The following ARFGEF1 variants were observed in gnomAD, a reference collection of about 807,000 sequenced individuals.
The protein encoded by ARFGEF1 is ARF guanine nucleotide exchange factor 1.
A neutral mutation model predicts 231.0 loss-of-function variants in ARFGEF1; 42 were observed. The observed-to-expected ratio is 0.18, with a 90% CI of 0.14 to 0.24. ARFGEF1 has a LOEUF of 0.24. Ranked by LOEUF, ARFGEF1 falls within the 10% of genes least tolerant of loss-of-function variation. The pLI is 1.00. For missense variants in ARFGEF1, 1,345 were observed against 2,192.0 expected (o/e 0.61, Z 7.72); for synonymous variants, 710 against 732.3 (o/e 0.97, Z 0.49).
rs748183329 is a variant in ARFGEF1 at position 67,203,077 on chromosome 8, G to C, written c.5128+6C>G. 4 of 1,610,804 alleles carry C rather than the reference G, an allele frequency of 2.5e-6. No individual in the cohort carries two copies. In the Admixed American group the frequency reaches 6.7e-5, roughly 27 times the overall value. ...AAACATTAAATGTGAGGCGTGTGCA[G>C]CTTACCTGCTTTCCACAGGGCAGTC... On this transcript the variant is annotated splice_donor_region_variant and intron_variant, in intron 36 of 38. Transcript: ENST00000262215.
At chr8:67,202,415 A>G (rs1838365313) in intron 36 of ARFGEF1, among the ~76,000 whole-genome samples, 1 of 151,934 alleles carries the variant, frequency 6.6e-6, no homozygotes, top group African/African-American at 2.4e-5. Flanking sequence ...ATGCGACACC[A>G]TGCCCCGCTA....
At chr8:67,205,120 A>G (rs995353358) in intron 34 of ARFGEF1, among the ~76,000 whole-genome samples, 2 of 152,192 alleles carry the variant, frequency 1.3e-5, no homozygotes. Context: ...AAATTCATAA[A>G]CTTTCTTAAA....
intron 7 of ARFGEF1, among the ~76,000 whole-genome samples, chr8:67,281,337 T>TA (rs1554645082): frequency 6.6e-6 from 1 of 151,848 alleles, no homozygotes; most frequent in African/African-American, 2.4e-5. Flanking sequence ...TGAAAAGTCA[T>TA]AAAAAAATCA....
At position 67,201,363 on chromosome 8, in the gene ARFGEF1, AG is replaced by A. The variant is rs1387377073; in HGVS notation, c.5267+103del. Reference sequence around the variant, plus strand: ...ACTGCTCTGTGGAATAGGGGCATCCAGGCCCCAAAGCCTCAGCTGTCAGCAT... The same window carrying A: ...ACTGCTCTGTGGAATAGGGGCATCCAGCCCCAAAGCCTCAGCTGTCAGCAT... On this transcript the variant is annotated intron_variant, in intron 37 of 38. Coordinates refer to ENST00000262215, the MANE Select transcript of ARFGEF1 (RefSeq NM_006421.5). 4.3e-6 allele frequency: 6 copies of A among 1,398,928 alleles called. No individual in the cohort carries two copies. The South Asian group carries it at 7.4e-5, about 17-fold the overall frequency. The allele number at this position is 1,398,928 out of a possible 1,614,324, so 86.7% of individuals were successfully genotyped here. A position where few individuals can be genotyped will look rare whatever the true frequency, so the allele number is the denominator to read the frequency against.
At chr8:67,206,574 G>A (rs1209842448) in intron 34 of ARFGEF1, among the ~76,000 whole-genome samples, 4 of 152,216 alleles carry the variant, frequency 2.6e-5, no homozygotes, top group East Asian at 1.9e-4. Flanking sequence ...CTGATAGTCC[G>A]CCGGCCCATG....
chr8:67,315,829 T>A (rs1196728154), intron 1 of ARFGEF1, among the ~76,000 whole-genome samples: 1 of 152,038 alleles, frequency 6.6e-6, no homozygotes, highest in African/African-American at 2.4e-5. Flanking sequence ...GCTAAAATTG[T>A]ATGGGATACA....
At chr8:67,217,568 A>G (rs538687025) in intron 32 of ARFGEF1, among the ~76,000 whole-genome samples, 1 of 152,252 alleles carries the variant, frequency 6.6e-6, no homozygotes, top group East Asian at 1.9e-4. Flanking sequence ...ACCAGACTAA[A>G]GGTTTTGGTT....
intron 23 of ARFGEF1, among the ~76,000 whole-genome samples, chr8:67,232,334 G>A (rs1563852826): frequency 6.6e-6 from 1 of 151,996 alleles, no homozygotes; most frequent in Non-Finnish European, 1.5e-5. Flanking sequence ...GAAATATTCT[G>A]TAGTAAATAA....
intron 34 of ARFGEF1, among the ~76,000 whole-genome samples, chr8:67,210,511 G>A (rs907006636): frequency 6.6e-6 from 1 of 152,002 alleles, no homozygotes; most frequent in Non-Finnish European, 1.5e-5. Context: ...AAACAAGTGG[G>A]GTGCTCCTGC....
At chr8:67,204,993 T>A in intron 34 of ARFGEF1, 174 bp from the exon 35 acceptor site, 1 of 778,758 alleles carries the variant, frequency 1.3e-6, no homozygotes, top group Non-Finnish European at 1.9e-6. Context: ...AACTGATATT[T>A]AGAAAAGCCT....
chr8:67,200,315 T>C (rs1053089267), intron 38 of ARFGEF1, 81 bp downstream of exon 38: 1 of 991,832 alleles, frequency 1.0e-6, no homozygotes, highest in Non-Finnish European at 1.6e-6. Context: ...CTGAGAGCTC[T>C]TGCACGGCGG....
chr8:67,250,303 G>A lies in ARFGEF1; in HGVS notation c.2850+996C>T, dbSNP rs554231114. ...TGAAGATGCCTGTTAGGAGAATGCC[G>A]CAGTAATCTGAGGGAGAAATGAGGG... On this transcript the variant is annotated intron_variant, in intron 19 of 38. Coordinates refer to ENST00000262215, the MANE Select transcript of ARFGEF1 (RefSeq NM_006421.5). Among the ~76,000 whole-genome samples the A allele has an allele frequency of 2.6e-5, 4 of 152,304 alleles. No homozygotes were observed. The South Asian group carries it at 6.2e-4, about 24-fold the overall frequency.
In ARFGEF1 at chr8:67,198,718, G is replaced by C. The variant is rs1458044191; in HGVS notation, c.*216C>G. 1.5e-6 allele frequency: 2 copies of C among 1,313,448 alleles called. No individual in the cohort carries two copies. The highest frequency in any genetic ancestry group is 1.9e-6 in the Non-Finnish European group (2 of 1,032,442). 81.4% of individuals were successfully genotyped at this position (1,313,448 alleles called of 1,614,324 possible). ...GCATGAGCTGACACTGTTTAAACAG[G>C]CTTTCTGCTCAACATGAGGCCAATA... On this transcript the variant is annotated 3_prime_UTR_variant, in exon 39 of 39. Coordinates refer to ENST00000262215, the MANE Select transcript of ARFGEF1 (RefSeq NM_006421.5).
chr8:67,186,422 A>T (rs1197212079), intron 5 of ARFGEF1, among the ~76,000 whole-genome samples: 1 of 124,378 alleles, frequency 8.0e-6, no homozygotes, highest in Non-Finnish European at 1.6e-5. Flanking sequence ...TTAAATTAAA[A>T]AAAAAAAAAA....
At chr8:67,238,309 A>G in intron 22 of ARFGEF1, 34 bp downstream of exon 22, 1 of 1,561,866 alleles carries the variant, frequency 6.4e-7, no homozygotes, top group Non-Finnish European at 8.6e-7. Flanking sequence ...GAGGAAGTTA[A>G]AAACAATTTT....
In ARFGEF1 at chr8:67,197,851, A is replaced by C. The variant is rs1838138933; in HGVS notation, c.*1083T>G. ...CCACTGTTAATACGGAATGCTTGACAATCTTGTCTTTTAACCATCAGAGCA... is the reference window on the plus strand; with the variant it reads ...CCACTGTTAATACGGAATGCTTGACCATCTTGTCTTTTAACCATCAGAGCA... On this transcript the variant is annotated 3_prime_UTR_variant, in exon 39 of 39. Coordinates refer to ENST00000262215, the MANE Select transcript of ARFGEF1 (RefSeq NM_006421.5). 1 of 985,770 alleles carries C rather than the reference A, an allele frequency of 1.0e-6. No homozygotes were observed. Among genetic ancestry groups the C allele is most frequent in the African/African-American group, 1.7e-5 (1 of 57,254 alleles). The allele number at this position is 985,770 out of a possible 1,614,324, so 61.1% of individuals were successfully genotyped here.
intron 5 of ARFGEF1, among the ~76,000 whole-genome samples, chr8:67,180,853 C>A (rs1832828742): frequency 6.6e-6 from 1 of 151,562 alleles, no homozygotes; most frequent in African/African-American, 2.4e-5. Context: ...ACCATGGGAT[C>A]TTCTTTTTTT....
At chr8:67,211,295 G>A (rs1379570052) in intron 34 of ARFGEF1, among the ~76,000 whole-genome samples, 188 bp downstream of exon 34, 1 of 143,906 alleles carries the variant, frequency 6.9e-6, no homozygotes, top group Non-Finnish European at 1.5e-5. Flanking sequence ...AGTGAGCTAC[G>A]ATGGCGTGCC....
At chr8:67,326,584 G>C (rs896564886) in intron 1 of ARFGEF1, among the ~76,000 whole-genome samples, 3 of 152,080 alleles carry the variant, frequency 2.0e-5, no homozygotes, top group African/African-American at 4.8e-5. Flanking sequence ...CAACCAATTA[G>C]GTTCTCTCAA....
Sources: allele counts gnomAD v4.1 joint callset (sites outside exome capture counted in the v4.1 genomes callset), GRCh38; gene constraint gnomAD v4.1.1; transcripts MANE v1.5; gene names NCBI Gene and HGNC (gene_info 2026-07-23, HGNC 2026-07-21).